The following TAF1D variants were observed in gnomAD, a reference collection of about 807,000 sequenced individuals.
TAF1D encodes the protein TATA box-binding protein-associated factor RNA polymerase I subunit D.
Under a neutral mutation model 26.2 loss-of-function variants are expected in TAF1D, and 23 were observed. That is an observed-to-expected ratio of 0.88 (90% CI 0.63 to 1.25). TAF1D has a LOEUF of 1.25. TAF1D is among the 50% of genes most tolerant of loss of function. The probability of loss-of-function intolerance (pLI) is 0.00; values close to 1 mark genes in which losing one functional copy is unlikely to be tolerated. For missense variants in TAF1D, 299 were observed against 322.0 expected, an observed-to-expected ratio of 0.93 and a Z score of 0.55; for synonymous variants, 100 against 105.6, an observed-to-expected ratio of 0.95 and a Z score of 0.33.
chr11:93,740,181 G>A lies in TAF1D; in HGVS notation c.-27-850C>T, dbSNP rs546643485. 4.9e-3 allele frequency among the ~76,000 whole-genome samples: 740 copies of A among 151,626 alleles called. 14 individuals are homozygous for A. The highest frequency in any genetic ancestry group is 0.017 in the African/African-American group (693 of 41,338). ...GAAATTAGCCAGAATAGTGGCGCGC[G>A]CCTGTGGTCAGGAGGCTGGGGTAGG... On this transcript the variant is annotated intron_variant, in intron 1 of 5. Coordinates refer to ENST00000448108, the MANE Select transcript of TAF1D (RefSeq NM_024116.4).
rs1406913079 is a variant in TAF1D, at chr11:93,738,213, G to C, written c.355C>G (p.Leu119Val). The C allele has an allele frequency of 1.9e-6, 3 of 1,609,636 alleles. No individual in the cohort carries two copies. Among genetic ancestry groups the C allele is most frequent in the Non-Finnish European group, 2.5e-6 (3 of 1,178,988 alleles). Residue 119 changes from leucine to valine, a missense_variant, in exon 3 of 6, where the codon CTA becomes GTA. Transcript: ENST00000448108. ...PEGRRNPIYS[L>V]IDKKKQFRSR... ...CTAAATTGTTTCTTCTTATCTATTAGTGAGTATATAGGATTTCTCCTTCCT... is the reference window on the plus strand; with the variant it reads ...CTAAATTGTTTCTTCTTATCTATTACTGAGTATATAGGATTTCTCCTTCCT...
intron 1 of TAF1D, among the ~76,000 whole-genome samples, chr11:93,740,519 T>C (rs1044012518): frequency 6.0e-5 from 9 of 150,162 alleles, no homozygotes; most frequent in Non-Finnish European, 1.0e-4. Flanking sequence ...TGTACATGCC[T>C]TAGTCAATCT....
intron 1 of TAF1D, among the ~76,000 whole-genome samples, chr11:93,740,918 C>CA (rs1941880396): frequency 6.6e-6 from 1 of 152,162 alleles, no homozygotes; most frequent in Admixed American, 6.5e-5. Flanking sequence ...TCTTAGAGGC[C>CA]ACGTGGGCAG....
chr11:93,736,578 TTA>T (rs1009796056), intron 5 of TAF1D, 114 bp downstream of exon 5: 12 of 1,470,466 alleles, frequency 8.2e-6, no homozygotes, highest in African/African-American at 4.4e-5. Context: ...TGCAGTAAAC[TTA>T]TAGAGCTTTT....
chr11:93,732,910 T>C (rs1362417901), downstream of TAF1D: 3 of 234,970 alleles, frequency 1.3e-5, no homozygotes, highest in Non-Finnish European at 2.6e-5. Context: ...GGTAGTTTCG[T>C]TTGGTAGGTA....
intron 1 of TAF1D, among the ~76,000 whole-genome samples, chr11:93,740,980 C>T (rs557108674): frequency 6.6e-6 from 1 of 152,238 alleles, no homozygotes; most frequent in African/African-American, 2.4e-5. Flanking sequence ...GCCTCTCACC[C>T]GGCAGCGCCT....
chr11:93,740,809 AG>A (rs1941834179), intron 1 of TAF1D, among the ~76,000 whole-genome samples: 1 of 152,220 alleles, frequency 6.6e-6, no homozygotes, highest in African/African-American at 2.4e-5. Context: ...TTTTAAAAGT[AG>A]GGATTATCAA....
chr11:93,736,777 G>C, intron 4 of TAF1D, 26 bp from the exon 5 acceptor site: 1 of 1,593,162 alleles, frequency 6.3e-7, no homozygotes, highest in Non-Finnish European at 8.6e-7. Flanking sequence ...TTATCATCGA[G>C]ATGACAGAAT....
chr11:93,730,719 A>G, downstream of TAF1D: 1 of 502,774 alleles, frequency 2.0e-6, no homozygotes, highest in East Asian at 5.5e-5. Flanking sequence ...AGCCCTACAT[A>G]ACAATAGTAT....
Position 93,735,712 on chromosome 11 carries a change from G to A in TAF1D, c.*449C>T. 2 of 1,008,408 alleles carry A rather than the reference G, an allele frequency of 2.0e-6. No individual in the cohort carries two copies. The highest frequency in any genetic ancestry group is 2.4e-6 in the Non-Finnish European group (2 of 844,414). 62.5% of individuals were successfully genotyped at this position (1,008,408 alleles called of 1,614,324 possible). On this transcript the variant is annotated 3_prime_UTR_variant, in exon 6 of 6. Coordinates refer to ENST00000448108, the MANE Select transcript of TAF1D (RefSeq NM_024116.4). ...ATACTCTAAATTTGGAAAGGGAAAT[G>A]AGGTTATTACAATACTAAGCATCTG...
intron 1 of TAF1D, among the ~76,000 whole-genome samples, 196 bp downstream of exon 1, chr11:93,741,126 A>G (rs1051656307): frequency 6.6e-6 from 1 of 152,244 alleles, no homozygotes; most frequent in Non-Finnish European, 1.5e-5. Context: ...GCCCGTCCAC[A>G]CTACAACCAC....
At chr11:93,733,436 T>G (rs915958252), downstream of TAF1D, 6 of 518,496 alleles carry the variant, frequency 1.2e-5, no homozygotes, top group Non-Finnish European at 1.9e-5. Flanking sequence ...TTTCATAACG[T>G]TTAGCAACCG....
intron 1 of TAF1D, 56 bp downstream of exon 1, chr11:93,741,266 T>C (rs972414776): frequency 6.6e-6 from 3 of 454,384 alleles, no homozygotes; most frequent in African/African-American, 2.0e-5. Flanking sequence ...ACCCCAGATA[T>C]GCAACGCCTC....
chr11:93,731,014 C>T (rs974751725), downstream of TAF1D: 2 of 518,878 alleles, frequency 3.9e-6, no homozygotes, highest in South Asian at 2.8e-5. Flanking sequence ...AGCAAAGTAG[C>T]AGATAGAAAA....
exon 12 of TAF1D, chr11:93,730,500 C>A (rs7119918): frequency 1 from 733,884 of 735,426 alleles, 366,199 homozygotes; most frequent in East Asian, 1. Context: ...GGCAACAATC[C>A]TGGATTATTA....
downstream of TAF1D, chr11:93,735,136 A>G: frequency 7.4e-7 from 1 of 1,350,332 alleles, no homozygotes; most frequent in Non-Finnish European, 9.8e-7. Flanking sequence ...ATGTATCAAA[A>G]CTCATACTGA....
At chr11:93,732,338 ACACT>A (rs1320244181), downstream of TAF1D, 1 of 517,606 alleles carries the variant, frequency 1.9e-6, no homozygotes, top group African/African-American at 1.9e-5. Context: ...ATCAAACTGA[ACACT>A]CTGAGAAACC....
downstream of TAF1D, chr11:93,733,420 C>G (rs758631304): frequency 5.8e-6 from 3 of 518,636 alleles, no homozygotes; most frequent in South Asian, 4.2e-5. Flanking sequence ...AGTAGATTAT[C>G]TGGTTTTTCA....
In TAF1D at chr11:93,738,188, C is replaced by G; in HGVS notation, c.380G>C (p.Arg127Thr). 1 of 1,587,946 alleles carries G rather than the reference C, an allele frequency of 6.3e-7. No individual in the cohort carries two copies. The highest frequency in any genetic ancestry group is 8.5e-7 in the Non-Finnish European group (1 of 1,173,276). Residue 127 changes from arginine (R) to threonine (T), a missense_variant, in exon 3 of 6, where the codon AGA (arginine) becomes ACA (threonine). Arg to Thr is a moderately conservative substitution (Grantham distance 71, BLOSUM62 -1). Transcript: ENST00000448108. ...AAATGGGAAGCCAGATCCTCTGCTT[C>G]TAAATTGTTTCTTCTTATCTATTAG... ...YSLIDKKKQF[R>T]SRGSGFPFLE... is the part of the protein sequence containing the mutation.
Sources: allele counts gnomAD v4.1 joint callset (sites outside exome capture counted in the v4.1 genomes callset), GRCh38; gene constraint gnomAD v4.1.1; transcripts MANE v1.5; gene names NCBI Gene and HGNC (gene_info 2026-07-23, HGNC 2026-07-21).